The following NAA25 variants were observed in gnomAD, a reference collection of about 807,000 sequenced individuals.
The protein encoded by NAA25 is N-terminal acetyltransferase B complex subunit NAA25.
In NAA25, 30 loss-of-function variants were observed where a neutral mutation model predicts 132.5. The observed-to-expected ratio is 0.23, with a 90% CI of 0.17 to 0.31. The LOEUF is 0.31. Among genes scored for constraint, NAA25 ranks in the 10% least tolerant of loss-of-function variants. NAA25 has a pLI of 1.00. For synonymous variants in NAA25, 359 were observed against 401.9 expected, an observed-to-expected ratio of 0.89 and a Z score of 1.28; for missense variants, 771 against 1,150.4, an observed-to-expected ratio of 0.67 and a Z score of 4.77.
chr12:112,074,021 C>T (rs1004194261), intron 9 of NAA25, among the ~76,000 whole-genome samples: 1 of 151,774 alleles, frequency 6.6e-6, no homozygotes, highest in Non-Finnish European at 1.5e-5. Context: ...TAATACAATC[C>T]CATTTTTATA....
intron 4 of NAA25, among the ~76,000 whole-genome samples, chr12:112,087,238 CCCAGGCAACAAGGATTTT>C (rs2079070041): frequency 6.6e-6 from 1 of 152,044 alleles, no homozygotes; most frequent in African/African-American, 2.4e-5. Flanking sequence ...AAAGAAACAT[CCCAGGCAACAAGGATTTT>C]CCCCCTGGTG....
intron 17 of NAA25, among the ~76,000 whole-genome samples, chr12:112,045,178 T>C (rs910301192): frequency 1.3e-4 from 20 of 152,154 alleles, no homozygotes; most frequent in African/African-American, 4.8e-4. Context: ...GTAATGTGGA[T>C]GTATAAAAGT....
At chr12:112,051,129 A>G (rs2078458989) in intron 15 of NAA25, among the ~76,000 whole-genome samples, 1 of 152,354 alleles carries the variant, frequency 6.6e-6, no homozygotes, top group East Asian at 1.9e-4. Context: ...TCTTAGCCTT[A>G]GATTTCTTTA....
chr12:112,044,966 T>C (rs1205688654), intron 17 of NAA25, among the ~76,000 whole-genome samples: 1 of 150,312 alleles, frequency 6.7e-6, no homozygotes, highest in Non-Finnish European at 1.5e-5. Flanking sequence ...GATTGGAGGA[T>C]TGCTTGAGCC....
chr12:112,106,969 A>G (rs1413017299), intron 1 of NAA25, among the ~76,000 whole-genome samples: 1 of 148,570 alleles, frequency 6.7e-6, no homozygotes, highest in Non-Finnish European at 1.5e-5. Context: ...AAAAAAAAAA[A>G]AAAAAAAAAA....
chr12:112,054,971 T>C (rs1227319279), intron 13 of NAA25, among the ~76,000 whole-genome samples: 4 of 152,238 alleles, frequency 2.6e-5, no homozygotes, highest in Non-Finnish European at 5.9e-5. Flanking sequence ...TTCTTCCATA[T>C]GTAACTCTAC....
chr12:112,088,657 G>A (rs1422129757), intron 3 of NAA25, among the ~76,000 whole-genome samples: 10 of 146,994 alleles, frequency 6.8e-5, no homozygotes, highest in Non-Finnish European at 1.2e-4. Flanking sequence ...AGTTTTGCTC[G>A]TTACCCAGGC....
At chr12:112,057,184 T>C (rs1241920265) in intron 13 of NAA25, among the ~76,000 whole-genome samples, 1 of 151,914 alleles carries the variant, frequency 6.6e-6, no homozygotes, top group Non-Finnish European at 1.5e-5. Flanking sequence ...CGAGACTCCA[T>C]CTCAAAAAAG....
At chr12:112,081,931 T>TTA (rs2078978281) in intron 4 of NAA25, among the ~76,000 whole-genome samples, 1 of 152,092 alleles carries the variant, frequency 6.6e-6, no homozygotes, top group Non-Finnish European at 1.5e-5. Context: ...AATACATAAA[T>TTA]GACTGAAATG....
intron 6 of NAA25, 143 bp from the exon 7 acceptor site, chr12:112,078,409 C>G: frequency 1.4e-6 from 1 of 704,820 alleles, no homozygotes; most frequent in Non-Finnish European, 2.4e-6. Flanking sequence ...GTAACAGGAT[C>G]TTCTCCATCT....
chr12:112,075,269 A>G (rs1244072792), intron 8 of NAA25, among the ~76,000 whole-genome samples: 1 of 151,810 alleles, frequency 6.6e-6, no homozygotes, highest in Non-Finnish European at 1.5e-5. Context: ...GCTCACTGCA[A>G]CCTCTGCCTC....
At chr12:112,071,263 C>T (rs1368880401) in intron 10 of NAA25, among the ~76,000 whole-genome samples, 1 of 152,246 alleles carries the variant, frequency 6.6e-6, no homozygotes, top group Non-Finnish European at 1.5e-5. Context: ...TCAGGTGTTC[C>T]GCCCACCTCG....
rs531086494 is a variant in NAA25 at position 112,043,486 on chromosome 12, A to G, written c.2250+139T>C. ...CCTCTGCAATTCCCTCTGAGTCTAAAATATTCCTCTTTCTCCTGCAGAAGC... is the reference window on the plus strand; with the variant it reads ...CCTCTGCAATTCCCTCTGAGTCTAAGATATTCCTCTTTCTCCTGCAGAAGC... On this transcript the variant is annotated intron_variant, in intron 18 of 23. Coordinates refer to ENST00000261745, the MANE Select transcript of NAA25 (RefSeq NM_024953.4). 170 of 1,045,598 alleles carry G rather than the reference A, an allele frequency of 1.6e-4. 3 individuals carry two copies. In the South Asian group the frequency reaches 2.6e-3, roughly 16 times the overall value. The allele number at this position is 1,045,598 out of a possible 1,614,324, so 64.8% of individuals were successfully genotyped here. A position where few individuals can be genotyped will look rare whatever the true frequency, so the allele number is the denominator to read the frequency against.
chr12:112,054,665 CA>C (rs1053310513), intron 13 of NAA25, 97 bp from the exon 14 acceptor site: 11 of 1,104,604 alleles, frequency 1.0e-5, no homozygotes, highest in African/African-American at 9.5e-5. Flanking sequence ...TCACCCCCCC[CA>C]ATAAATGAAG....
chr12:112,064,344 G>C (rs1302909859), intron 11 of NAA25: 3 of 152,308 alleles, frequency 2.0e-5, no homozygotes, highest in African/African-American at 7.2e-5. Context: ...TCTTGCTTCA[G>C]CCATTCGAGT....
intron 1 of NAA25, among the ~76,000 whole-genome samples, chr12:112,107,390 T>TG (rs1555242017): frequency 5.3e-5 from 8 of 152,090 alleles, no homozygotes; most frequent in African/African-American, 1.4e-4. Context: ...TGTTTTTTTT[T>TG]TTGTTGTTGT....
intron 7 of NAA25, among the ~76,000 whole-genome samples, chr12:112,076,526 T>C (rs2078898141): frequency 6.6e-6 from 1 of 150,732 alleles, no homozygotes; most frequent in African/African-American, 2.4e-5. Flanking sequence ...CAAAAAAGAG[T>C]GGAGAGGAAT....
At chr12:112,082,690 G>C (rs2078989457) in intron 4 of NAA25, among the ~76,000 whole-genome samples, 1 of 150,656 alleles carries the variant, frequency 6.6e-6, no homozygotes. Context: ...CTTTCTTTAA[G>C]GGAAAGTAGA....
At chr12:112,033,443 A>C in intron 22 of NAA25, 64 bp from the exon 23 acceptor site, 1 of 1,409,406 alleles carries the variant, frequency 7.1e-7, no homozygotes, top group Non-Finnish European at 9.4e-7. Flanking sequence ...CTACATCACA[A>C]AAGCTACTGA....
Sources: gnomAD v4.1 joint callset for allele counts (sites outside exome capture counted in the v4.1 genomes callset) on GRCh38, gnomAD v4.1.1 for gene constraint, MANE v1.5 for transcripts, NCBI Gene and HGNC (gene_info 2026-07-23, HGNC 2026-07-21) for gene names.